The following ASTN2 variants were observed in gnomAD, a reference collection of about 807,000 sequenced individuals.
The protein encoded by ASTN2 is astrotactin 2.
ASTN2 carries 54 observed loss-of-function variants against 139.8 expected under a neutral mutation model. That is an observed-to-expected ratio of 0.39 (90% CI 0.31 to 0.48). The LOEUF (loss-of-function observed/expected upper bound fraction) is 0.48. Ranked by LOEUF, ASTN2 falls within the 20% of genes least tolerant of loss-of-function variation. The pLI is 0.95. For synonymous variants in ASTN2, 756 were observed against 719.5 expected, an observed-to-expected ratio of 1.05 and a Z score of -0.81; for missense variants, 1,565 against 1,725.1, an observed-to-expected ratio of 0.91 and a Z score of 1.64.
chr9:116,710,823 G>A (rs1828135910), intron 16 of ASTN2, among the ~76,000 whole-genome samples: 1 of 151,314 alleles, frequency 6.6e-6, no homozygotes, highest in South Asian at 2.1e-4. Context: ...CATGTGTTTT[G>A]TGAAATGACG....
intron 6 of ASTN2, among the ~76,000 whole-genome samples, chr9:117,024,826 A>C (rs544753077): frequency 6.6e-6 from 1 of 152,064 alleles, no homozygotes; most frequent in Non-Finnish European, 1.5e-5. Flanking sequence ...CATAATTCCC[A>C]TATGTTGTGG....
chr9:117,057,307 A>G (rs998772152), intron 5 of ASTN2, among the ~76,000 whole-genome samples: 3 of 152,176 alleles, frequency 2.0e-5, no homozygotes, highest in Non-Finnish European at 4.4e-5. Context: ...TTGCGCTGAA[A>G]TGGAAGGCCA....
At chr9:116,797,190 G>C (rs1830720714) in intron 13 of ASTN2, among the ~76,000 whole-genome samples, 1 of 152,080 alleles carries the variant, frequency 6.6e-6, no homozygotes, top group East Asian at 1.9e-4. Context: ...GGTGGTGATG[G>C]ATTCACTAGT....
chr9:116,991,794 A>G (rs908061843), intron 7 of ASTN2, among the ~76,000 whole-genome samples: 2 of 152,090 alleles, frequency 1.3e-5, no homozygotes, highest in African/African-American at 4.8e-5. Context: ...CTGCCTCTCT[A>G]AAAAACAAAA....
At chr9:116,483,411 C>T (rs943068676) in intron 20 of ASTN2, among the ~76,000 whole-genome samples, 12 of 151,916 alleles carry the variant, frequency 7.9e-5, no homozygotes, top group African/African-American at 2.9e-4. Flanking sequence ...GATGGAGGGG[C>T]TACAGAAAAA....
At chr9:117,407,945 C>G (rs1452725721) in intron 1 of ASTN2, among the ~76,000 whole-genome samples, 1 of 152,136 alleles carries the variant, frequency 6.6e-6, no homozygotes, top group Non-Finnish European at 1.5e-5. Context: ...AAGGTTAAAC[C>G]CGACTCTTTT....
chr9:116,908,208 A>T (rs1244263511), intron 10 of ASTN2, among the ~76,000 whole-genome samples: 1 of 152,202 alleles, frequency 6.6e-6, no homozygotes, highest in Non-Finnish European at 1.5e-5. Context: ...GGAGAGAAAG[A>T]TAAAAGGAGC....
chr9:116,859,386 A>C (rs551964823), intron 11 of ASTN2, among the ~76,000 whole-genome samples: 2 of 152,374 alleles, frequency 1.3e-5, no homozygotes, highest in South Asian at 4.1e-4. Flanking sequence ...GAAGGTTACC[A>C]CAGCAGAACC....
chr9:116,840,775 C>G (rs969306258), intron 11 of ASTN2, among the ~76,000 whole-genome samples: 4 of 147,306 alleles, frequency 2.7e-5, no homozygotes, highest in Non-Finnish European at 6.0e-5. Flanking sequence ...ACATCTCAGA[C>G]GATGGGCGGC....
At chr9:117,326,054 T>C (rs1446488703) in intron 1 of ASTN2, among the ~76,000 whole-genome samples, 1 of 152,128 alleles carries the variant, frequency 6.6e-6, no homozygotes, top group Non-Finnish European at 1.5e-5. Flanking sequence ...CAGCACACAT[T>C]GCCATGCAGG....
At chr9:116,508,729 A>T (rs1270788808) in intron 19 of ASTN2, among the ~76,000 whole-genome samples, 1 of 152,190 alleles carries the variant, frequency 6.6e-6, no homozygotes, top group East Asian at 1.9e-4. Flanking sequence ...GAATTACTAT[A>T]AAGATCTAAG....
chr9:117,125,825 GC>G (rs11326370), intron 4 of ASTN2, among the ~76,000 whole-genome samples: 31,657 of 149,694 alleles, frequency 0.21, 3,476 homozygotes, highest in African/African-American at 0.27. Context: ...TCATTTCATT[GC>G]GGCGGGGGGG....
intron 17 of ASTN2, among the ~76,000 whole-genome samples, chr9:116,622,811 C>A (rs1281091588): frequency 1.3e-5 from 2 of 152,188 alleles, no homozygotes; most frequent in Admixed American, 6.5e-5. Context: ...GTGTGTCACA[C>A]AGTAAGAGCA....
At chr9:117,006,802 C>T (rs1349535759) in intron 7 of ASTN2, among the ~76,000 whole-genome samples, 3 of 152,092 alleles carry the variant, frequency 2.0e-5, no homozygotes, top group East Asian at 1.9e-4. Flanking sequence ...CCCATCCTGG[C>T]CCCACTACTA....
intron 19 of ASTN2, among the ~76,000 whole-genome samples, chr9:116,513,381 G>A (rs1850491414): frequency 6.6e-6 from 1 of 152,146 alleles, no homozygotes; most frequent in Admixed American, 6.5e-5. Flanking sequence ...CTGTTAGTCT[G>A]GTGGGCTTCC....
rs561527880 is a variant in ASTN2 at position 116,618,679 on chromosome 9, G to C, written c.3207-207C>G. Among the ~76,000 whole-genome samples, 3 of 152,280 alleles carry C rather than the reference G, an allele frequency of 2.0e-5. No individual in the cohort carries two copies. In the East Asian group the frequency reaches 5.8e-4, roughly 29 times the overall value. ...CATCCATAAAATAGGGAGACAAGGA[G>C]CCACCTTTCAAGATCAAAGTAGAAT... On this transcript the variant is annotated intron_variant, in intron 18 of 22. Transcript: ENST00000313400.
intron 20 of ASTN2, among the ~76,000 whole-genome samples, chr9:116,472,739 AC>A (rs1848851850): frequency 1.4e-5 from 2 of 147,636 alleles, no homozygotes; most frequent in African/African-American, 4.9e-5. Flanking sequence ...CCCAGTCTCT[AC>A]TAAAAATACA....
intron 5 of ASTN2, among the ~76,000 whole-genome samples, chr9:117,054,031 GAA>G (rs56060705): frequency 7.1e-6 from 1 of 140,072 alleles, no homozygotes; most frequent in African/African-American, 2.6e-5. Context: ...GATAAAAAAA[GAA>G]AAAAAAAAAA....
intron 10 of ASTN2, 118 bp downstream of exon 10, chr9:116,975,090 G>T: frequency 9.3e-7 from 1 of 1,077,396 alleles, no homozygotes; most frequent in Non-Finnish European, 1.3e-6. Flanking sequence ...ATTTGACAGT[G>T]TTCTTCACAT....
Sources: gnomAD v4.1 joint callset for allele counts (sites outside exome capture counted in the v4.1 genomes callset) on GRCh38, gnomAD v4.1.1 for gene constraint, MANE v1.5 for transcripts, NCBI Gene and HGNC (gene_info 2026-07-23, HGNC 2026-07-21) for gene names.